Variants in NAA15 observed in about 807,000 individuals in gnomAD.
The protein encoded by NAA15 is N-terminal acetyltransferase.
NAA15 carries 34 observed loss-of-function variants against 114.0 expected under a neutral mutation model. The observed-to-expected ratio is 0.30, with a 90% CI of 0.23 to 0.40. The LOEUF is 0.40. Among genes scored for constraint, NAA15 ranks in the 10% least tolerant of loss-of-function variants. NAA15 has a pLI of 1.00. For synonymous variants in NAA15, 340 were observed against 338.0 expected (o/e 1.01, Z -0.06); for missense variants, 658 against 1,004.5 (o/e 0.66, Z 4.66).
At chr4:139,321,963 A>G (rs1156675006) in intron 1 of NAA15, among the ~76,000 whole-genome samples, 1 of 151,084 alleles carries the variant, frequency 6.6e-6, no homozygotes, top group Non-Finnish European at 1.5e-5. Context: ...ATTTATAGTA[A>G]TTTTCCTCCC....
In NAA15 at chr4:139,340,939, G is replaced by A; in HGVS notation, c.272G>A (p.Arg91Lys). ...TGGCACGTTTATGGCCTTCTTCAGA[G>A]GTCAGACAAGAAGTATGATGAAGCC... Reference protein sequence around the residue: ...VCWHVYGLLQRSDKKYDEAIK... With the variant: ...VCWHVYGLLQKSDKKYDEAIK... The change falls in exon 4 of 20, where the codon AGG becomes AAG. Residue 91 changes from arginine (R) to lysine (K), a missense_variant. By Grantham distance (26) the Arg-to-Lys change is conservative. This residue lies in a region of NAA15 where 75 missense variants were observed against 172.3 expected (regional missense o/e 0.44). Coordinates refer to ENST00000296543, the MANE Select transcript of NAA15 (RefSeq NM_057175.5). 1 of 1,593,606 alleles carries A rather than the reference G, an allele frequency of 6.3e-7. No individual in the cohort carries two copies. Among genetic ancestry groups the A allele is most frequent in the Non-Finnish European group, 8.5e-7 (1 of 1,171,984 alleles).
chr4:139,363,967 AGCTCCTGG>A (rs1748206543), intron 14 of NAA15, among the ~76,000 whole-genome samples: 1 of 152,306 alleles, frequency 6.6e-6, no homozygotes, highest in East Asian at 1.9e-4. Flanking sequence ...TGCAGCCTTG[AGCTCCTGG>A]GCTCAGGCAG....
chr4:139,367,337 T>C (rs190804449), intron 14 of NAA15, among the ~76,000 whole-genome samples: 47 of 152,308 alleles, frequency 3.1e-4, no homozygotes, highest in Admixed American at 1.6e-3. Flanking sequence ...ACTTTCTGAA[T>C]TACCCTTTTT....
At position 139,388,102 on chromosome 4, in the gene NAA15, A is replaced by G. The variant is rs1748958942; in HGVS notation, c.*18A>G. 6.2e-7 allele frequency: 1 copy of G among 1,609,768 alleles called. No homozygotes were observed. Among genetic ancestry groups the G allele is most frequent in the South Asian group, 1.1e-5 (1 of 90,850 alleles). Reference sequence around the variant, plus strand: ...AAATTTGAACATCACTAAACAAGCAAATGGAATGACTTTGGACCATATCTA... The same window carrying G: ...AAATTTGAACATCACTAAACAAGCAGATGGAATGACTTTGGACCATATCTA... On this transcript the variant is annotated 3_prime_UTR_variant, in exon 20 of 20. Coordinates refer to ENST00000296543, the MANE Select transcript of NAA15 (RefSeq NM_057175.5).
chr4:139,309,721 A>T (rs1468878767), intron 1 of NAA15, among the ~76,000 whole-genome samples: 2 of 152,204 alleles, frequency 1.3e-5, no homozygotes, highest in Non-Finnish European at 2.9e-5. Flanking sequence ...AATATTTTTT[A>T]AAAATTCTTT....
chr4:139,371,289 G>A (rs1171330803), intron 15 of NAA15, among the ~76,000 whole-genome samples: 1 of 151,854 alleles, frequency 6.6e-6, no homozygotes, highest in Non-Finnish European at 1.5e-5. Flanking sequence ...GTAGTATCAC[G>A]TAGACATAGT....
chr4:139,337,003 G>A, intron 3 of NAA15, 51 bp downstream of exon 3: 2 of 1,237,056 alleles, frequency 1.6e-6, no homozygotes, highest in Non-Finnish European at 2.3e-6. Flanking sequence ...TTTGAGCTAA[G>A]GCAGCAATTT....
chr4:139,361,501 A>G (rs1365049016), intron 13 of NAA15, among the ~76,000 whole-genome samples: 1 of 152,156 alleles, frequency 6.6e-6, no homozygotes, highest in Admixed American at 6.5e-5. Flanking sequence ...TTTTCAACAA[A>G]TGATTCTGTG....
rs928249223 is a variant in NAA15, at chr4:139,345,916, G to A, written c.691+1577G>A. Among the ~76,000 whole-genome samples, 9 of 151,424 alleles carry A rather than the reference G, an allele frequency of 5.9e-5. No homozygotes were observed. The South Asian group carries it at 6.3e-4, about 11-fold the overall frequency. On this transcript the variant is annotated intron_variant, in intron 6 of 19. Transcript: ENST00000296543. ...AGGCTGGGCAACAGAGCAAGACTCC[G>A]TATCAAAAAAAAAAGGGAGTGGGAG...
At chr4:139,383,686 G>A (rs1038917418) in intron 17 of NAA15, among the ~76,000 whole-genome samples, 2 of 152,128 alleles carry the variant, frequency 1.3e-5, no homozygotes, top group African/African-American at 4.8e-5. Context: ...GGCCAGGTTG[G>A]TCTCGAACTC....
At chr4:139,351,899 T>G (rs1028648706) in intron 9 of NAA15, among the ~76,000 whole-genome samples, 1 of 152,142 alleles carries the variant, frequency 6.6e-6, no homozygotes, top group Admixed American at 6.6e-5. Context: ...CTTCACCATT[T>G]TCTTTCATCT....
rs764723298 is a variant in NAA15 at position 139,344,177 on chromosome 4, C to G, written c.538-9C>G. ...TCTTACTGTCAGTATTCCTTATATC[C>G]ATATACAGACATCCCCTGACAAGGT... On this transcript the variant is annotated splice_polypyrimidine_tract_variant and intron_variant, in intron 5 of 19. Coordinates refer to ENST00000296543, the MANE Select transcript of NAA15 (RefSeq NM_057175.5). 1 of 1,599,028 alleles carries G rather than the reference C, an allele frequency of 6.3e-7. No homozygotes were observed. Among genetic ancestry groups the G allele is most frequent in the Admixed American group, 1.7e-5 (1 of 58,114 alleles).
intron 15 of NAA15, 113 bp downstream of exon 15, chr4:139,370,517 C>T: frequency 3.2e-6 from 3 of 944,856 alleles, no homozygotes; most frequent in Non-Finnish European, 4.3e-6. Flanking sequence ...GGTTTTAGAG[C>T]CAAAAATTAT....
intron 11 of NAA15, among the ~76,000 whole-genome samples, chr4:139,359,475 G>A (rs1414966652): frequency 6.6e-6 from 1 of 152,124 alleles, no homozygotes; most frequent in African/African-American, 2.4e-5. Flanking sequence ...TATGTGCCAG[G>A]CAGTTTTGGG....
intron 1 of NAA15, 132 bp from the exon 2 acceptor site, chr4:139,334,042 C>T (rs1747117784): frequency 5.1e-6 from 3 of 588,528 alleles, no homozygotes; most frequent in Admixed American, 3.9e-5. Flanking sequence ...TTTTTATTGG[C>T]ATTTTACCGA....
chr4:139,340,150 C>T (rs537966451), intron 3 of NAA15, among the ~76,000 whole-genome samples: 1 of 152,034 alleles, frequency 6.6e-6, no homozygotes. Flanking sequence ...GGCGAGATCC[C>T]ATCTCTACCA....
chr4:139,381,691 A>AT (rs1579139461), intron 17 of NAA15, among the ~76,000 whole-genome samples: 2 of 152,074 alleles, frequency 1.3e-5, no homozygotes, highest in South Asian at 4.1e-4. Flanking sequence ...AAATAAGAAC[A>AT]TTTTTTACCC....
chr4:139,310,465 A>G (rs962354540), intron 1 of NAA15, among the ~76,000 whole-genome samples: 1 of 151,626 alleles, frequency 6.6e-6, no homozygotes, highest in Non-Finnish European at 1.5e-5. Context: ...AAAAAAAAAA[A>G]AAAACATTTT....
chr4:139,329,377 A>G (rs185836149), intron 1 of NAA15, among the ~76,000 whole-genome samples: 9 of 151,922 alleles, frequency 5.9e-5, no homozygotes, highest in African/African-American at 2.2e-4. Context: ...AGGTGTCTAG[A>G]TATTTTCTAT....
Sources: allele counts gnomAD v4.1 joint callset (sites outside exome capture counted in the v4.1 genomes callset), GRCh38; gene constraint gnomAD v4.1.1; regional missense constraint gnomAD v4.1.1; transcripts MANE v1.5; gene names NCBI Gene and HGNC (gene_info 2026-07-23, HGNC 2026-07-21).